Variants in IFFO2 observed in about 807,000 individuals in gnomAD.
IFFO2 encodes intermediate filament family orphan 2.
A neutral mutation model predicts 53.5 loss-of-function variants in IFFO2; 19 were observed. The observed-to-expected ratio is 0.36, with a 90% confidence interval of 0.25 to 0.52. The LOEUF (loss-of-function observed/expected upper bound fraction) is 0.52. IFFO2 is among the 20% of genes least tolerant of loss of function. The pLI, the probability that IFFO2 is intolerant of heterozygous loss-of-function variation, is 0.94. For missense variants in IFFO2, 570 were observed against 727.4 expected, an observed-to-expected ratio of 0.78 and a Z score of 2.49; for synonymous variants, 303 against 313.6, an observed-to-expected ratio of 0.97 and a Z score of 0.36.
At chr1:18,942,432 G>A (rs1210089894) in intron 1 of IFFO2, among the ~76,000 whole-genome samples, 1 of 152,190 alleles carries the variant, frequency 6.6e-6, no homozygotes, top group Non-Finnish European at 1.5e-5. Flanking sequence ...GAGGGAGGGA[G>A]CGGTAACAGC....
At chr1:18,911,274 C>T in intron 7 of IFFO2, 110 bp downstream of exon 7, 1 of 490,364 alleles carries the variant, frequency 2.0e-6, no homozygotes. Flanking sequence ...CTGCGCCTGC[C>T]CCACTCTACC....
At chr1:18,914,185 A>T (rs6678879) in intron 5 of IFFO2, among the ~76,000 whole-genome samples, 31,605 of 151,968 alleles carry the variant, frequency 0.21, 3,525 homozygotes, top group African/African-American at 0.26. Flanking sequence ...TCCATACTGA[A>T]CCCAATTTAG....
intron 1 of IFFO2, among the ~76,000 whole-genome samples, chr1:18,937,764 C>T (rs528163551): frequency 3.3e-5 from 5 of 152,364 alleles, no homozygotes; most frequent in African/African-American, 1.2e-4. Context: ...CCTGGCCCAG[C>T]CGCCACTGGA....
intron 1 of IFFO2, among the ~76,000 whole-genome samples, chr1:18,935,184 C>T (rs565368065): frequency 2.0e-5 from 3 of 152,276 alleles, no homozygotes; most frequent in Admixed American, 6.5e-5. Context: ...AGATTGCCTC[C>T]GTTGGGTGCA....
At chr1:18,950,765 TGAC>T (rs1201641001) in intron 1 of IFFO2, among the ~76,000 whole-genome samples, 1 of 152,060 alleles carries the variant, frequency 6.6e-6, no homozygotes, top group Non-Finnish European at 1.5e-5. Flanking sequence ...CCCTGGGGTG[TGAC>T]GGGAATGGGC....
At chr1:18,913,598 G>A (rs1389722855) in intron 5 of IFFO2, among the ~76,000 whole-genome samples, 1 of 152,204 alleles carries the variant, frequency 6.6e-6, no homozygotes, top group Non-Finnish European at 1.5e-5. Flanking sequence ...AACCGACTTG[G>A]ATCAAAACAA....
intron 1 of IFFO2, among the ~76,000 whole-genome samples, chr1:18,929,027 C>A (rs1936338842): frequency 6.6e-6 from 1 of 152,196 alleles, no homozygotes; most frequent in African/African-American, 2.4e-5. Flanking sequence ...ATTCGTTTGC[C>A]CCTCACTCAT....
chr1:18,945,094 C>T (rs931491201), intron 1 of IFFO2, among the ~76,000 whole-genome samples: 1 of 152,174 alleles, frequency 6.6e-6, no homozygotes, highest in African/African-American at 2.4e-5. Context: ...GGAACACCCT[C>T]TCTCCTTCTC....
At position 18,905,688 on chromosome 1, in the gene IFFO2, A is replaced by AGTGTGTGTGT. The variant is rs34644668; in HGVS notation, c.*2863_*2872dup. Reference sequence around the variant, plus strand: ...CTGTTCGGAGTCTCAGAGGAGTGCGAGTGTGTGTGTGTGTGTGTGTGTGTG... The same window carrying AGTGTGTGTGT: ...CTGTTCGGAGTCTCAGAGGAGTGCGAGTGTGTGTGTGTGTGTGTGTGTGTGTGTGTGTGTG... On this transcript the variant is annotated 3_prime_UTR_variant, in exon 9 of 9. Coordinates refer to ENST00000455833, the MANE Select transcript of IFFO2 (RefSeq NM_001136265.2). The AGTGTGTGTGT allele has an allele frequency of 8.9e-5, 13 of 146,700 alleles. No homozygotes were observed. The highest frequency in any genetic ancestry group is 3.0e-4 in the African/African-American group (12 of 40,092). The allele number at this position is 146,700 out of a possible 1,614,324, so 9.1% of individuals were successfully genotyped here.
At chr1:18,952,722 T>C (rs183751434) in intron 1 of IFFO2, among the ~76,000 whole-genome samples, 191 of 152,290 alleles carry the variant, frequency 1.3e-3, no homozygotes, top group African/African-American at 4.2e-3. Context: ...TTTCTGTAAA[T>C]GGACATGAAG....
chr1:18,912,108 T>C (rs1936049810), intron 5 of IFFO2, 25 bp from the exon 6 acceptor site: 3 of 1,551,090 alleles, frequency 1.9e-6, no homozygotes, highest in South Asian at 1.2e-5. Flanking sequence ...CCAGAGGGCA[T>C]GACTGAACAG....
In IFFO2 at chr1:18,916,790, G is replaced by T; in HGVS notation, c.1103+113C>A. The T allele has an allele frequency of 3.2e-6, 4 of 1,251,442 alleles. No homozygotes were observed. The highest frequency in any genetic ancestry group is 1.6e-5 in the South Asian group (1 of 64,478). The allele number at this position is 1,251,442 out of a possible 1,614,324, so 77.5% of individuals were successfully genotyped here. On this transcript the variant is annotated intron_variant, in intron 5 of 8. Transcript: ENST00000455833. The surrounding 1 kb of genome is among the most constrained non-coding windows in gnomAD (Gnocchi z 4.3). The stretch of plus-strand genomic sequence containing the variant: ...CCTGTCTCAAAAAAAAAAAGGAAAT[G>T]AATTCAAATTCTTCCAGTGCTGCAG...
intron 1 of IFFO2, among the ~76,000 whole-genome samples, chr1:18,934,800 G>A (rs914609248): frequency 2.6e-5 from 4 of 152,124 alleles, no homozygotes; most frequent in Admixed American, 1.3e-4. Context: ...AACAATATAC[G>A]GCAGCATCCT....
chr1:18,955,943 C>A lies in IFFO2; in HGVS notation c.390G>T (p.Ala130=). The A allele has an allele frequency of 7.9e-7, 1 of 1,264,464 alleles. No individual in the cohort carries two copies. The highest frequency in any genetic ancestry group is 9.9e-7 in the Non-Finnish European group (1 of 1,009,884). 78.3% of individuals were successfully genotyped at this position (1,264,464 alleles called of 1,614,324 possible). A position where few individuals can be genotyped will look rare whatever the true frequency, so the allele number is the denominator to read the frequency against. ...GGGHGLSSGA[A]AGANANAVAL... is the part of the protein sequence containing the mutation. ...CCACGGCATTGGCGTTGGCGCCGGC[C>A]GCCGCGCCACTGCTGAGGCCGTGCC... Residue 130 remains alanine, a synonymous_variant, in exon 1 of 9, where the codon GCG becomes GCT. Transcript: ENST00000455833.
intron 1 of IFFO2, among the ~76,000 whole-genome samples, chr1:18,937,521 T>C (rs2148183091): frequency 6.6e-6 from 1 of 152,186 alleles, no homozygotes. Context: ...TCCTCCCAAC[T>C]ACCCATGGGG....
In IFFO2 at chr1:18,922,091, G is replaced by C. The variant is rs1168159966; in HGVS notation, c.666-970C>G. The stretch of plus-strand genomic sequence containing the variant: ...CAGAAAGCAAGGCCCAGAGGCACAA[G>C]CTGAACCCAAGGCCAGGGTGAGATA... On this transcript the variant is annotated intron_variant, in intron 1 of 8. Transcript: ENST00000455833. 2.0e-5 allele frequency among the ~76,000 whole-genome samples: 3 copies of C among 152,174 alleles called. No individual in the cohort carries two copies. In the East Asian group the frequency reaches 5.8e-4, roughly 29 times the overall value.
intron 5 of IFFO2, among the ~76,000 whole-genome samples, chr1:18,913,975 G>A (rs1342691508): frequency 6.6e-6 from 1 of 152,186 alleles, no homozygotes; most frequent in Non-Finnish European, 1.5e-5. Context: ...GGGACTACAG[G>A]CGCCCGCCAC....
At chr1:18,945,679 G>A (rs1314164685) in intron 1 of IFFO2, among the ~76,000 whole-genome samples, 1 of 152,248 alleles carries the variant, frequency 6.6e-6, no homozygotes, top group East Asian at 1.9e-4. Context: ...ACAGCTCAGA[G>A]ACAGGCCCCA....
chr1:18,940,590 T>C (rs966583949), intron 1 of IFFO2, among the ~76,000 whole-genome samples: 1 of 151,310 alleles, frequency 6.6e-6, no homozygotes, highest in Non-Finnish European at 1.5e-5. Flanking sequence ...GATGGATGGA[T>C]GGATGGATGG....
Sources: allele counts gnomAD v4.1 joint callset (sites outside exome capture counted in the v4.1 genomes callset), GRCh38; gene constraint gnomAD v4.1.1; non-coding constraint Gnocchi (gnomAD v3.1); transcripts MANE v1.5; gene names NCBI Gene and HGNC (gene_info 2026-07-23, HGNC 2026-07-21).